The following PRR5L variants were observed in gnomAD, a reference collection of about 807,000 sequenced individuals.
PRR5L encodes the protein proline-rich protein 5-like.
In PRR5L, 21 loss-of-function variants were observed where a neutral mutation model predicts 36.4. The observed-to-expected ratio is 0.58, with a 90% CI of 0.41 to 0.83. The LOEUF (loss-of-function observed/expected upper bound fraction) is 0.83, where lower values mean the gene tolerates loss of function less well. Among genes scored for constraint, PRR5L ranks in the 40% least tolerant of loss-of-function variants. The pLI is 0.00. For synonymous variants in PRR5L, 188 were observed against 197.0 expected (o/e 0.95, Z 0.38); for missense variants, 381 against 473.3 (o/e 0.80, Z 1.81).
At chr11:36,415,772 T>A (rs185522724) in intron 3 of PRR5L, among the ~76,000 whole-genome samples, 1,586 of 152,074 alleles carry the variant, frequency 0.01, 13 homozygotes, top group Non-Finnish European at 0.017. Context: ...AATTAAAAAA[T>A]AAATAAAATG....
chr11:36,315,460 G>A (rs1323397355), intron 1 of PRR5L, among the ~76,000 whole-genome samples: 2 of 152,194 alleles, frequency 1.3e-5, no homozygotes, highest in African/African-American at 4.8e-5. Context: ...TAAGCTGATA[G>A]CTTTGGCTTT....
At chr11:36,346,929 T>C (rs1014969004) in intron 1 of PRR5L, among the ~76,000 whole-genome samples, 2 of 152,242 alleles carry the variant, frequency 1.3e-5, no homozygotes, top group African/African-American at 4.8e-5. Flanking sequence ...CAAAAACAGC[T>C]ATAGACAATA....
intron 8 of PRR5L, among the ~76,000 whole-genome samples, chr11:36,457,627 AAAAAC>A (rs1314660379): frequency 1.3e-5 from 2 of 152,066 alleles, no homozygotes; most frequent in African/African-American, 2.4e-5. Flanking sequence ...AAACAAAACA[AAAAAC>A]AAAACAAAAC....
intron 1 of PRR5L, among the ~76,000 whole-genome samples, chr11:36,346,547 C>T (rs1856867938): frequency 6.6e-6 from 1 of 151,718 alleles, no homozygotes; most frequent in African/African-American, 2.4e-5. Context: ...TGCGCCACTG[C>T]ACTTCAGCCT....
At chr11:36,413,568 C>G (rs918099563) in intron 3 of PRR5L, among the ~76,000 whole-genome samples, 6 of 150,868 alleles carry the variant, frequency 4.0e-5, no homozygotes, top group African/African-American at 1.5e-4. Flanking sequence ...TTTCCATTCT[C>G]TTTTCCTTAA....
intron 1 of PRR5L, among the ~76,000 whole-genome samples, chr11:36,371,799 C>T (rs1399440295): frequency 6.6e-6 from 1 of 152,160 alleles, no homozygotes; most frequent in Non-Finnish European, 1.5e-5. Context: ...TGGTTTAGGT[C>T]TGTAATCCCA....
At chr11:36,372,024 C>G (rs1020836811) in intron 1 of PRR5L, among the ~76,000 whole-genome samples, 1 of 152,066 alleles carries the variant, frequency 6.6e-6, no homozygotes, top group Non-Finnish European at 1.5e-5. Context: ...TGCCACTGCA[C>G]TCCAGCCTGG....
chr11:36,437,327 A>G, intron 5 of PRR5L, 58 bp from the exon 6 acceptor site: 2 of 1,141,594 alleles, frequency 1.8e-6, no homozygotes, highest in South Asian at 1.2e-5. Flanking sequence ...CCTCTCCTAC[A>G]AGTAATGACG....
At chr11:36,343,845 C>T (rs1212980464) in intron 1 of PRR5L, among the ~76,000 whole-genome samples, 2 of 151,962 alleles carry the variant, frequency 1.3e-5, no homozygotes, top group Admixed American at 6.6e-5. Flanking sequence ...GAATATAGAT[C>T]TAGGGCATTT....
chr11:36,441,877 G>A lies in PRR5L; in HGVS notation c.444+4401G>A, dbSNP rs564676373. Reference sequence around the variant, plus strand: ...AGGCTTATAGCTTGCTCCCTCCAGAGTAACAGCTGGAATGGTACCTGGGGC... The same window carrying A: ...AGGCTTATAGCTTGCTCCCTCCAGAATAACAGCTGGAATGGTACCTGGGGC... On this transcript the variant is annotated intron_variant, in intron 6 of 8. Coordinates refer to ENST00000530639, the MANE Select transcript of PRR5L (RefSeq NM_001160167.2). Among the ~76,000 whole-genome samples the A allele has an allele frequency of 2.0e-5, 3 of 152,294 alleles. No individual in the cohort carries two copies. In the South Asian group the frequency reaches 6.2e-4, roughly 32 times the overall value.
At chr11:36,326,820 G>A (rs1414081473) in intron 1 of PRR5L, among the ~76,000 whole-genome samples, 1 of 152,020 alleles carries the variant, frequency 6.6e-6, no homozygotes, top group Admixed American at 6.6e-5. Flanking sequence ...CCAGTCTTAA[G>A]AACCCAATTA....
At chr11:36,413,140 A>G (rs1858062252) in intron 3 of PRR5L, among the ~76,000 whole-genome samples, 3 of 152,150 alleles carry the variant, frequency 2.0e-5, no homozygotes, top group Admixed American at 6.5e-5. Context: ...GAGTATATAC[A>G]TGGATTGTAG....
chr11:36,296,395 C>A lies in PRR5L; in HGVS notation c.-169C>A, dbSNP rs754474197. 6.6e-6 allele frequency: 1 copy of A among 152,192 alleles called. No homozygotes were observed. Among genetic ancestry groups the A allele is most frequent in the African/African-American group, 2.4e-5 (1 of 41,412 alleles). 9.4% of individuals were successfully genotyped at this position (152,192 alleles called of 1,614,324 possible). ...TGGAAGGCCATGGTCATTCACCTCT[C>A]CCCAGCAAGGTGGGACCTGCCCTGG... is the stretch of plus-strand genomic sequence containing the variant. On this transcript the variant is annotated 5_prime_UTR_variant, in exon 1 of 9. Transcript: ENST00000530639.
intron 3 of PRR5L, among the ~76,000 whole-genome samples, chr11:36,413,801 T>A (rs1858079960): frequency 6.6e-6 from 1 of 151,030 alleles, no homozygotes; most frequent in East Asian, 2.0e-4. Flanking sequence ...CATGCTGGTG[T>A]GCTGCACCCA....
chr11:36,301,005 G>T, intron 1 of PRR5L: 1 of 152,396 alleles, frequency 6.6e-6, no homozygotes, highest in East Asian at 1.9e-4. Flanking sequence ...TGCCAGGAAA[G>T]GGCAGGTCAT....
intron 5 of PRR5L, among the ~76,000 whole-genome samples, chr11:36,437,037 G>A (rs7929487): frequency 0.74 from 112,084 of 151,898 alleles, 44,257 homozygotes; most frequent in Non-Finnish European, 0.88. Context: ...TAAGTAATGA[G>A]CTCTCTTTCC....
chr11:36,317,543 T>C (rs745441593), intron 1 of PRR5L, among the ~76,000 whole-genome samples: 24 of 152,216 alleles, frequency 1.6e-4, no homozygotes, highest in Non-Finnish European at 2.5e-4. Context: ...CAACTCCCCA[T>C]AAGTTGAGTT....
At chr11:36,303,921 C>T (rs767017330) in intron 1 of PRR5L, among the ~76,000 whole-genome samples, 2 of 152,140 alleles carry the variant, frequency 1.3e-5, no homozygotes, top group African/African-American at 2.4e-5. Flanking sequence ...GCTTATTGAT[C>T]AGGGTGGGAT....
chr11:36,388,847 C>T (rs1005010318), intron 1 of PRR5L, among the ~76,000 whole-genome samples: 3 of 152,078 alleles, frequency 2.0e-5, no homozygotes, highest in African/African-American at 7.2e-5. Flanking sequence ...TACAGGCGCC[C>T]GCCACCAAGC....
Sources: gnomAD v4.1 joint callset for allele counts (sites outside exome capture counted in the v4.1 genomes callset) on GRCh38, gnomAD v4.1.1 for gene constraint, MANE v1.5 for transcripts, NCBI Gene and HGNC (gene_info 2026-07-23, HGNC 2026-07-21) for gene names.